The following SYT16 variants were observed in gnomAD, a reference collection of about 807,000 sequenced individuals.
The protein encoded by SYT16 is synaptotagmin-16.
Under a neutral mutation model 61.4 loss-of-function variants are expected in SYT16, and 42 were observed. The ratio of observed to expected loss-of-function variants is 0.68; its 90% CI spans 0.53 to 0.89. SYT16 has a LOEUF of 0.89. Ranked by LOEUF, SYT16 falls within the 40% of genes least tolerant of loss-of-function variation. SYT16 has a pLI of 0.00. For missense variants in SYT16, 804 were observed against 807.3 expected (o/e 1.00, Z 0.05); for synonymous variants, 314 against 302.3 (o/e 1.04, Z -0.40).
chr14:61,903,812 C>G lies in SYT16; in HGVS notation c.-324-66320C>G, dbSNP rs575779307. Among the ~76,000 whole-genome samples the G allele has an allele frequency of 2.0e-5, 3 of 152,322 alleles. No homozygotes were observed. In the South Asian group the frequency reaches 6.2e-4, roughly 32 times the overall value. Reference sequence around the variant, plus strand: ...AAATTCATAAGCTTTAACAAGTAAACATGATTCTTGCTAGCTGCCAGCCAG... The same window carrying G: ...AAATTCATAAGCTTTAACAAGTAAAGATGATTCTTGCTAGCTGCCAGCCAG... On this transcript the variant is annotated intron_variant, in intron 1 of 7. Transcript: ENST00000683842.
chr14:61,975,315 A>G (rs1364552932), intron 2 of SYT16, among the ~76,000 whole-genome samples: 2 of 152,156 alleles, frequency 1.3e-5, no homozygotes, highest in Non-Finnish European at 1.5e-5. Flanking sequence ...ATTAAATGGC[A>G]AGGCTGGGAG....
chr14:62,041,657 C>T (rs1336559865), intron 3 of SYT16, among the ~76,000 whole-genome samples: 1 of 152,146 alleles, frequency 6.6e-6, no homozygotes, highest in Non-Finnish European at 1.5e-5. Context: ...AGGTGAGTGC[C>T]ACCATGTCCA....
chr14:62,053,184 T>G (rs1210635809), intron 3 of SYT16, among the ~76,000 whole-genome samples: 1 of 152,298 alleles, frequency 6.6e-6, no homozygotes, highest in East Asian at 1.9e-4. Context: ...ATGTCCAGAT[T>G]GTTGGTAGAA....
intron 7 of SYT16, among the ~76,000 whole-genome samples, chr14:62,098,357 T>C (rs970331863): frequency 1.3e-5 from 2 of 152,220 alleles, no homozygotes; most frequent in Non-Finnish European, 2.9e-5. Context: ...TGCATGTTAG[T>C]AGTAAAAGTT....
Position 61,996,528 on chromosome 14 carries a change from ATGG to A in SYT16, c.510_512del (p.Asn170_Gly171delinsLys). 3 of 1,598,682 alleles carry A rather than the reference ATGG, an allele frequency of 1.9e-6. No homozygotes were observed. Among genetic ancestry groups the A allele is most frequent in the African/African-American group, 1.3e-5 (1 of 74,494 alleles). On this transcript the variant is annotated inframe_deletion, in exon 3 of 8. Coordinates refer to ENST00000683842, the MANE Select transcript of SYT16 (RefSeq NM_001367656.1). ...CTCCCTGGTACTTTAGAAACTGTTA[ATGG>A]AAAAAAGCAAGGTAAGCTAGCCAGT...
At chr14:61,949,855 T>G (rs2050600338) in intron 1 of SYT16, among the ~76,000 whole-genome samples, 1 of 152,212 alleles carries the variant, frequency 6.6e-6, no homozygotes, top group Admixed American at 6.5e-5. Context: ...GGCACACTTT[T>G]CTGGTGAAAG....
chr14:61,943,602 G>A (rs2050298516), intron 1 of SYT16, among the ~76,000 whole-genome samples: 1 of 151,978 alleles, frequency 6.6e-6, no homozygotes, highest in East Asian at 1.9e-4. Context: ...AAACATAATC[G>A]ATCACATAAA....
Position 61,898,756 on chromosome 14 carries a change from A to AGT in SYT16, c.-324-71372_-324-71371dup, listed in dbSNP as rs1427214761. 2.6e-5 allele frequency among the ~76,000 whole-genome samples: 4 copies of AGT among 152,140 alleles called. No individual in the cohort carries two copies. The South Asian group carries it at 6.2e-4, about 24-fold the overall frequency. On this transcript the variant is annotated intron_variant, in intron 1 of 7. Transcript: ENST00000683842. ...TATGACAGGGACGGTCTCTGCTCAG[A>AGT]GTGTGCCAACATCTCACTCCGGGAG...
chr14:62,080,381 C>T (rs781608892), intron 5 of SYT16, among the ~76,000 whole-genome samples: 23 of 152,200 alleles, frequency 1.5e-4, no homozygotes, highest in Non-Finnish European at 3.2e-4. Flanking sequence ...TCCTGGGACT[C>T]CCATCAAAAT....
chr14:61,847,619 C>T (rs918439717), intron 1 of SYT16, among the ~76,000 whole-genome samples: 1 of 152,150 alleles, frequency 6.6e-6, no homozygotes, highest in African/African-American at 2.4e-5. Context: ...GGGAAGTTCT[C>T]TGTTATTACT....
intron 1 of SYT16, among the ~76,000 whole-genome samples, chr14:61,886,880 C>CTTTTTTT (rs371140698): frequency 8.9e-4 from 99 of 110,770 alleles, no homozygotes; most frequent in South Asian, 1.9e-3. Context: ...TTTTTTTTGT[C>CTTTTTTT]TTTTTTTTTT....
At chr14:62,064,119 C>T (rs914745199) in intron 3 of SYT16, among the ~76,000 whole-genome samples, 5 of 151,824 alleles carry the variant, frequency 3.3e-5, no homozygotes, top group African/African-American at 1.2e-4. Context: ...TTCCTTGGTA[C>T]TTAATGGGAA....
intron 1 of SYT16, among the ~76,000 whole-genome samples, chr14:61,845,353 A>G (rs928027902): frequency 6.6e-6 from 1 of 151,908 alleles, no homozygotes; most frequent in Admixed American, 6.6e-5. Flanking sequence ...AGCCTGGGAG[A>G]CTTTTTATTA....
intron 1 of SYT16, among the ~76,000 whole-genome samples, chr14:61,942,187 G>T (rs867191364): frequency 9.2e-5 from 14 of 152,138 alleles, no homozygotes; most frequent in Admixed American, 6.5e-4. Flanking sequence ...AAGTCGCTTG[G>T]CCTCCTTTAA....
At chr14:61,816,916 C>T (rs1367201115) in intron 1 of SYT16, among the ~76,000 whole-genome samples, 1 of 151,568 alleles carries the variant, frequency 6.6e-6, no homozygotes, top group African/African-American at 2.4e-5. Context: ...GAGGCTGAGG[C>T]AGGAGAATGG....
In SYT16 at chr14:62,081,275, G is replaced by A. The variant is rs754574297; in HGVS notation, c.1434+1G>A. On this transcript the variant is annotated splice_donor_variant, in intron 6 of 7. Transcript: ENST00000683842. LOFTEE classifies it high-confidence loss of function. ...TCTGGAGCCAAGAAGTAATATAAGC[G>A]TGAGTATGTTAAATGGTGCTGCTAA... The A allele has an allele frequency of 3.1e-6, 5 of 1,611,878 alleles. No homozygotes were observed. Among genetic ancestry groups the A allele is most frequent in the Non-Finnish European group, 4.2e-6 (5 of 1,178,836 alleles).
chr14:61,970,863 G>A (rs1459743151), intron 2 of SYT16, among the ~76,000 whole-genome samples: 1 of 152,000 alleles, frequency 6.6e-6, no homozygotes, highest in African/African-American at 2.4e-5. Flanking sequence ...TTCTTACAGA[G>A]GGATGGTTAT....
At chr14:62,025,034 A>G (rs896384072) in intron 3 of SYT16, among the ~76,000 whole-genome samples, 1 of 152,072 alleles carries the variant, frequency 6.6e-6, no homozygotes, top group Admixed American at 6.6e-5. Context: ...CCATTCACCT[A>G]CTGAAGGACA....
At chr14:61,843,881 A>G (rs747411165) in intron 1 of SYT16, among the ~76,000 whole-genome samples, 7 of 152,126 alleles carry the variant, frequency 4.6e-5, no homozygotes, top group Non-Finnish European at 8.8e-5. Flanking sequence ...CATTTTGGCT[A>G]TTCTGGGTCT....
Sources: allele counts gnomAD v4.1 joint callset (sites outside exome capture counted in the v4.1 genomes callset), GRCh38; gene constraint gnomAD v4.1.1; transcripts MANE v1.5; gene names NCBI Gene and HGNC (gene_info 2026-07-23, HGNC 2026-07-21).